The following USP45 variants were observed in gnomAD, a reference collection of about 807,000 sequenced individuals.
The protein encoded by USP45 is ubiquitin carboxyl-terminal hydrolase 45.
Under a neutral mutation model 95.8 loss-of-function variants are expected in USP45, and 89 were observed. The ratio of observed to expected loss-of-function variants is 0.93; its 90% CI spans 0.78 to 1.11. USP45 has a LOEUF of 1.11. Among genes scored for constraint, USP45 ranks in the 50% least tolerant of loss-of-function variants. The probability of loss-of-function intolerance (pLI) is 0.00; values close to 1 mark genes in which losing one functional copy is unlikely to be tolerated. For missense variants in USP45, 898 were observed against 942.5 expected, an observed-to-expected ratio of 0.95 and a Z score of 0.62; for synonymous variants, 281 against 316.2, an observed-to-expected ratio of 0.89 and a Z score of 1.18.
intron 13 of USP45, among the ~76,000 whole-genome samples, chr6:99,455,756 TTAAG>T (rs2128591800): frequency 6.8e-6 from 1 of 146,318 alleles, no homozygotes; most frequent in African/African-American, 2.5e-5. Context: ...GGTCATTATG[TTAAG>T]TAAGGCAAGC....
rs1440727605 is a variant in USP45, at chr6:99,446,111, T to C, written c.1661A>G (p.Glu554Gly). 3 of 1,614,150 alleles carry C rather than the reference T, an allele frequency of 1.9e-6. No homozygotes were observed. In the East Asian group the frequency reaches 6.7e-5, roughly 36 times the overall value. ...YTKETDSGDK[E>G]MAEAISELRL... ...AAGTTCAGAAATAGCTTCTGCCATTTCCTTATCACCACTGTCAGTCTCCTT... is the reference window on the plus strand; with the variant it reads ...AAGTTCAGAAATAGCTTCTGCCATTCCCTTATCACCACTGTCAGTCTCCTT... The change falls in exon 14 of 18, where the codon GAA (glutamate) becomes GGA (glycine). Residue 554 changes from glutamate (E) to glycine (G), a missense_variant. Physicochemically the swap from Glu to Gly is moderately conservative, Grantham distance 98 (BLOSUM62 -2). Coordinates refer to ENST00000500704, the MANE Select transcript of USP45 (RefSeq NM_001346022.3).
intron 2 of USP45, among the ~76,000 whole-genome samples, chr6:99,508,997 G>C (rs946517582): frequency 6.6e-6 from 1 of 152,188 alleles, no homozygotes; most frequent in Non-Finnish European, 1.5e-5. Flanking sequence ...TGGTTGTAGG[G>C]AGCAATGGAC....
upstream of USP45, among the ~76,000 whole-genome samples, chr6:99,517,426 A>G (rs1027827629): frequency 2.6e-5 from 4 of 151,016 alleles, no homozygotes; most frequent in South Asian, 2.1e-4. Flanking sequence ...TATCAAGTGT[A>G]TTTTTTTCCT....
chr6:99,496,453 T>C (rs1438354439), intron 5 of USP45, among the ~76,000 whole-genome samples: 4 of 152,062 alleles, frequency 2.6e-5, no homozygotes, highest in African/African-American at 9.7e-5. Context: ...ACCCACATAA[T>C]TCATGTCTAT....
intron 7 of USP45, among the ~76,000 whole-genome samples, chr6:99,485,772 G>A (rs1793728898): frequency 1.3e-5 from 2 of 152,164 alleles, no homozygotes; most frequent in African/African-American, 4.8e-5. Context: ...GAATCCAGCA[G>A]CATATAAGCA....
rs1799480095 is a variant in USP45, at chr6:99,510,211, T to C, written c.10A>G (p.Lys4Glu). 3.7e-6 allele frequency: 6 copies of C among 1,613,448 alleles called. No homozygotes were observed. The highest frequency in any genetic ancestry group is 1.1e-5 in the South Asian group (1 of 90,976). Residue 4 changes from lysine to glutamate, a missense_variant, in exon 2 of 18, where the codon AAA becomes GAA. Physicochemically the swap from Lys to Glu is moderately conservative, Grantham distance 56 (BLOSUM62 1). Coordinates refer to ENST00000500704, the MANE Select transcript of USP45 (RefSeq NM_001346022.3). MRV[K>E]DPTKALPEKA... ...TCAGGTAAAGCTTTAGTTGGATCTT[T>C]CACCCGCATCTGTTATTTACTGAAG...
chr6:99,486,886 T>C (rs978253456), intron 7 of USP45, among the ~76,000 whole-genome samples: 1 of 152,032 alleles, frequency 6.6e-6, no homozygotes, highest in African/African-American at 2.4e-5. Context: ...ACTAAAATTA[T>C]CCTTACTAGT....
chr6:99,432,691 G>A lies in USP45; in HGVS notation c.*3025C>T, dbSNP rs887796009. 6.6e-6 allele frequency: 1 copy of A among 152,344 alleles called. No individual in the cohort carries two copies. The highest frequency in any genetic ancestry group is 1.5e-5 in the Non-Finnish European group (1 of 67,986). 9.4% of individuals were successfully genotyped at this position (152,344 alleles called of 1,614,324 possible). On this transcript the variant is annotated 3_prime_UTR_variant, in exon 18 of 18. Coordinates refer to ENST00000500704, the MANE Select transcript of USP45 (RefSeq NM_001346022.3). ...ACAATGCACTAGATACTATCTAAAG[G>A]CTCAATTTTATTGCACATATTTGGT... is the stretch of plus-strand genomic sequence containing the variant.
At chr6:99,505,188 T>C (rs1798236410) in intron 4 of USP45, among the ~76,000 whole-genome samples, 1 of 152,160 alleles carries the variant, frequency 6.6e-6, no homozygotes. Flanking sequence ...GGCAGAGGGT[T>C]AGGAAAGACA....
chr6:99,513,599 T>C (rs1450103600), intron 1 of USP45, among the ~76,000 whole-genome samples: 3 of 152,192 alleles, frequency 2.0e-5, no homozygotes, highest in Non-Finnish European at 4.4e-5. Flanking sequence ...TTAACACAGA[T>C]AATGCTAGCA....
intron 10 of USP45, 102 bp downstream of exon 10, chr6:99,468,435 A>C: frequency 1.3e-6 from 1 of 766,730 alleles, no homozygotes; most frequent in Non-Finnish European, 2.1e-6. Flanking sequence ...TAAAGCCACT[A>C]CTTTGGTGGA....
intron 11 of USP45, 93 bp from the exon 12 acceptor site, chr6:99,465,229 C>T (rs763397563): frequency 5.7e-6 from 6 of 1,057,054 alleles, no homozygotes; most frequent in Non-Finnish European, 8.0e-6. Context: ...TCCCGGGCAA[C>T]CTAAAATTTT....
At position 99,446,201 on chromosome 6, in the gene USP45, C is replaced by T. The variant is rs775758905; in HGVS notation, c.1571G>A (p.Ser524Asn). ...SKQTGLFRSS[S>N]GSGVQPDGPL... ...TCCATCTGGCTGCACACCGGATCCA[C>T]TACTGGATCTGAACAGCCCAGTCTG... The change falls in exon 14 of 18, where the codon AGT becomes AAT. Residue 524 changes from serine (S) to asparagine (N), a missense_variant. Physicochemically the swap from Ser to Asn is conservative, Grantham distance 46. Coordinates refer to ENST00000500704, the MANE Select transcript of USP45 (RefSeq NM_001346022.3). The T allele has an allele frequency of 2.5e-6, 4 of 1,614,058 alleles. No individual in the cohort carries two copies. The South Asian group carries it at 3.3e-5, about 13-fold the overall frequency.
intron 6 of USP45, 28 bp from the exon 7 acceptor site, chr6:99,488,323 A>T (rs1794450654): frequency 6.8e-7 from 1 of 1,462,764 alleles, no homozygotes; most frequent in Non-Finnish European, 9.4e-7. Flanking sequence ...TAAAGTCTTC[A>T]GATTCAGTTA....
chr6:99,465,244 T>G, intron 11 of USP45, 108 bp from the exon 12 acceptor site: 3 of 775,294 alleles, frequency 3.9e-6, no homozygotes, highest in Non-Finnish European at 5.9e-6. Context: ...AATTTTACGT[T>G]AAAAACTGTT....
At chr6:99,485,146 A>G (rs988020505) in intron 7 of USP45, among the ~76,000 whole-genome samples, 3 of 146,828 alleles carry the variant, frequency 2.0e-5, no homozygotes, top group Non-Finnish European at 4.5e-5. Context: ...CCTGGCTAAC[A>G]TGGCAAAACC....
At chr6:99,439,730 T>C in intron 16 of USP45, 39 bp downstream of exon 16, 16 of 1,385,306 alleles carry the variant, frequency 1.2e-5, no homozygotes, top group Non-Finnish European at 1.6e-5. Flanking sequence ...TTCAAGCATA[T>C]TAATTTATAA....
At chr6:99,494,864 A>G (rs951962086) in intron 5 of USP45, among the ~76,000 whole-genome samples, 1 of 152,198 alleles carries the variant, frequency 6.6e-6, no homozygotes, top group Admixed American at 6.5e-5. Context: ...ACTGCACTCC[A>G]GACTAGGTGA....
At chr6:99,484,004 G>GTTGTTTTT (rs1793137421) in intron 7 of USP45, among the ~76,000 whole-genome samples, 1 of 91,464 alleles carries the variant, frequency 1.1e-5, no homozygotes, top group Non-Finnish European at 1.9e-5. Flanking sequence ...ATTTTCCATA[G>GTTGTTTTT]TTTTTTTTTT....
Sources: gnomAD v4.1 joint callset for allele counts (sites outside exome capture counted in the v4.1 genomes callset) on GRCh38, gnomAD v4.1.1 for gene constraint, MANE v1.5 for transcripts, NCBI Gene and HGNC (gene_info 2026-07-23, HGNC 2026-07-21) for gene names.